Variants in MSI2 observed in about 807,000 individuals in gnomAD.
MSI2 encodes the protein RNA-binding protein Musashi homolog 2.
Under a neutral mutation model 45.6 loss-of-function variants are expected in MSI2, and 17 were observed. The ratio of observed to expected loss-of-function variants is 0.37; its 90% CI spans 0.26 to 0.56. MSI2 has a LOEUF of 0.56. Ranked by LOEUF, MSI2 falls within the 20% of genes least tolerant of loss-of-function variation. MSI2 has a pLI of 0.77. For synonymous variants in MSI2, 156 were observed against 158.2 expected (o/e 0.99, Z 0.11); for missense variants, 293 against 444.2 (o/e 0.66, Z 3.06).
intron 5 of MSI2, among the ~76,000 whole-genome samples, chr17:57,283,615 C>G (rs1207678160): frequency 6.6e-6 from 1 of 152,190 alleles, no homozygotes; most frequent in African/African-American, 2.4e-5. Flanking sequence ...AGAAACAATA[C>G]TGAAATGATA....
chr17:57,586,305 A>G (rs1008671876), intron 7 of MSI2, among the ~76,000 whole-genome samples: 1 of 152,162 alleles, frequency 6.6e-6, no homozygotes, highest in African/African-American at 2.4e-5. Flanking sequence ...AGTATTCATG[A>G]CAGATTTCTC....
chr17:57,425,203 C>T (rs2084468807), intron 6 of MSI2, among the ~76,000 whole-genome samples: 1 of 152,204 alleles, frequency 6.6e-6, no homozygotes, highest in South Asian at 2.1e-4. Flanking sequence ...TCCACAACTA[C>T]AGTTGGGACT....
intron 11 of MSI2, among the ~76,000 whole-genome samples, chr17:57,674,014 G>A (rs1370529563): frequency 6.6e-6 from 1 of 150,930 alleles, no homozygotes; most frequent in Non-Finnish European, 1.5e-5. Flanking sequence ...CAGGAGGTGA[G>A]TGTGTGGGTG....
At chr17:57,256,340 T>C (rs892575625), upstream of MSI2, among the ~76,000 whole-genome samples, 5 of 149,940 alleles carry the variant, frequency 3.3e-5, no homozygotes, top group Non-Finnish European at 7.4e-5. Flanking sequence ...GGGGGCCGAG[T>C]GTGCGCGCGC....
At position 57,639,018 on chromosome 17, in the gene MSI2, A is replaced by G. The variant is rs913095137; in HGVS notation, c.727+11715A>G. On this transcript the variant is annotated intron_variant, in intron 10 of 13. Transcript: ENST00000284073. ...ACCACTTCCTGGTTCGTAGACTGCC[A>G]TTTTCTTGCTCTGTCCTTTCATGGT... Among the ~76,000 whole-genome samples the G allele has an allele frequency of 5.5e-4, 83 of 152,114 alleles. 1 individual carries two copies. Among genetic ancestry groups the G allele is most frequent in the African/African-American group, 2.0e-3 (81 of 41,410 alleles).
intron 9 of MSI2, chr17:57,618,436 C>G (rs1178876771): frequency 6.6e-6 from 1 of 151,918 alleles, no homozygotes. Flanking sequence ...GGGGGCCAGG[C>G]CGGTGGCTCA....
intron 6 of MSI2, among the ~76,000 whole-genome samples, chr17:57,410,136 T>C (rs1412930361): frequency 6.6e-6 from 1 of 151,854 alleles, no homozygotes; most frequent in Non-Finnish European, 1.5e-5. Context: ...TTGTCTGGGT[T>C]TGCCTGTGAC....
intron 6 of MSI2, among the ~76,000 whole-genome samples, chr17:57,476,805 C>T (rs937132320): frequency 3.3e-5 from 5 of 152,078 alleles, no homozygotes; most frequent in African/African-American, 7.2e-5. Context: ...ACAGAGGCTC[C>T]GTCATTTGTT....
Position 57,598,048 on chromosome 17 carries a change from A to G in MSI2, c.537+1098A>G, listed in dbSNP as rs2144464737. Among the ~76,000 whole-genome samples, 2 of 152,268 alleles carry G rather than the reference A, an allele frequency of 1.3e-5. 1 individual carries two copies. The highest frequency in any genetic ancestry group is 4.2e-4 in the South Asian group (2 of 4,810). ...CATGCATAGCATTTGCACACTCACA[A>G]ACTCCTTTCTTCGGATTGAGTAGGA... On this transcript the variant is annotated intron_variant, in intron 8 of 13. Coordinates refer to ENST00000284073, the MANE Select transcript of MSI2 (RefSeq NM_138962.4).
chr17:57,399,235 G>T (rs1420495136), intron 5 of MSI2, among the ~76,000 whole-genome samples: 1 of 152,152 alleles, frequency 6.6e-6, no homozygotes. Flanking sequence ...TTTTTCACAT[G>T]CACTATCTCA....
intron 5 of MSI2, among the ~76,000 whole-genome samples, chr17:57,386,045 A>G (rs569561936): frequency 1.3e-5 from 2 of 152,300 alleles, no homozygotes; most frequent in South Asian, 4.1e-4. Context: ...TATGAATGCC[A>G]GTGGTTTCTG....
chr17:57,614,892 G>A (rs1342817910), intron 8 of MSI2, among the ~76,000 whole-genome samples: 1 of 152,146 alleles, frequency 6.6e-6, no homozygotes, highest in Non-Finnish European at 1.5e-5. Context: ...AGAAATTTGA[G>A]AGTCAGAAGG....
chr17:57,372,780 T>C (rs916921933), intron 5 of MSI2, among the ~76,000 whole-genome samples: 6 of 152,140 alleles, frequency 3.9e-5, no homozygotes, highest in African/African-American at 1.4e-4. Flanking sequence ...CAGTTGAAAA[T>C]GAAGTTTTCT....
At chr17:57,554,348 T>C (rs1031462275) in intron 7 of MSI2, among the ~76,000 whole-genome samples, 5 of 152,104 alleles carry the variant, frequency 3.3e-5, no homozygotes, top group Non-Finnish European at 7.3e-5. Flanking sequence ...GCCTTGTTAC[T>C]TGCAAAGTCA....
chr17:57,537,273 G>A (rs1172671688), intron 7 of MSI2, among the ~76,000 whole-genome samples: 4 of 151,962 alleles, frequency 2.6e-5, no homozygotes, highest in East Asian at 1.9e-4. Context: ...GGCATGCTGC[G>A]TGCCCACCGT....
chr17:57,324,065 A>G (rs1301963298), intron 5 of MSI2, among the ~76,000 whole-genome samples: 2 of 152,194 alleles, frequency 1.3e-5, no homozygotes, highest in African/African-American at 4.8e-5. Flanking sequence ...TCCCAGCACT[A>G]TGGAAACTGA....
chr17:57,492,692 C>T (rs891806987), intron 6 of MSI2, among the ~76,000 whole-genome samples: 3 of 152,138 alleles, frequency 2.0e-5, no homozygotes, highest in Non-Finnish European at 4.4e-5. Context: ...CTCTGCCTCC[C>T]GGGTTCAAGC....
At chr17:57,473,819 A>G (rs1043428945) in intron 6 of MSI2, among the ~76,000 whole-genome samples, 1 of 152,144 alleles carries the variant, frequency 6.6e-6, no homozygotes, top group South Asian at 2.1e-4. Context: ...AGCTCTTTGT[A>G]AAGTTTGCAG....
Position 57,502,610 on chromosome 17 carries a change from T to G in MSI2, c.406-27066T>G, listed in dbSNP as rs570208670. Among the ~76,000 whole-genome samples the G allele has an allele frequency of 4.0e-3, 399 of 100,892 alleles. 13 individuals carry two copies. The highest frequency in any genetic ancestry group is 0.015 in the African/African-American group (371 of 24,522). The allele number at this position is 100,892 out of a possible 152,430, so 66.2% of individuals were successfully genotyped here. On this transcript the variant is annotated intron_variant, in intron 6 of 13. Transcript: ENST00000284073. ...GGAGAAGATGACTCTGAGATATATA[T>G]ATATATATATATATATATATATATA...
Sources: gnomAD v4.1 joint callset for allele counts (sites outside exome capture counted in the v4.1 genomes callset) on GRCh38, gnomAD v4.1.1 for gene constraint, MANE v1.5 for transcripts, NCBI Gene and HGNC (gene_info 2026-07-23, HGNC 2026-07-21) for gene names.